The following SPATA4 variants were observed in gnomAD, a reference collection of about 807,000 sequenced individuals.
SPATA4 encodes spermatogenesis associated 4, also known as spermatogenesis-associated protein 4.
A neutral mutation model predicts 31.8 loss-of-function variants in SPATA4; 35 were observed. That is an observed-to-expected ratio of 1.10 (90% CI 0.84 to 1.46). The LOEUF (loss-of-function observed/expected upper bound fraction) is 1.46. Ranked by LOEUF, SPATA4 falls within the 40% of genes most tolerant of loss-of-function variation. The pLI is 0.00. For synonymous variants in SPATA4, 126 were observed against 132.4 expected (o/e 0.95, Z 0.33); for missense variants, 394 against 363.1 (o/e 1.09, Z -0.69).
chr4:176,193,565 A>T lies in SPATA4; in HGVS notation c.236T>A (p.Phe79Tyr), dbSNP rs1349107514. The change falls in exon 2 of 6, where the codon TTC becomes TAC. Residue 79 changes from phenylalanine to tyrosine, a missense_variant. By Grantham distance (22) the Phe-to-Tyr change is conservative. Coordinates refer to ENST00000280191, the MANE Select transcript of SPATA4 (RefSeq NM_144644.4). ...TATACAGAATATTTCTGCAATTAGG[A>T]AGCCATTTGAAAAATCTCTGATCCG... Reference protein sequence around the residue: ...RNINRDFSNGFLIAEIFCIYY... With the variant: ...RNINRDFSNGYLIAEIFCIYY... 1 of 1,608,438 alleles carries T rather than the reference A, an allele frequency of 6.2e-7. No homozygotes were observed. The highest frequency in any genetic ancestry group is 1.3e-5 in the African/African-American group (1 of 74,944).
At chr4:176,193,616 GTAGT>G (rs775146033) in intron 1 of SPATA4, 34 bp from the exon 2 acceptor site, 1 of 1,558,110 alleles carries the variant, frequency 6.4e-7, no homozygotes, top group Non-Finnish European at 8.6e-7. Context: ...GAAATAAAGT[GTAGT>G]TAATTATGCA....
In SPATA4 at chr4:176,193,476, C is replaced by A; in HGVS notation, c.325G>T (p.Asp109Tyr). ...ENGTSLKVKLDNWAQLEKFLA... is the reference protein window; with the variant it reads ...ENGTSLKVKLYNWAQLEKFLA... ...ACCTTCTCCAACTGTGCCCAGTTATCCAACTTGACTTTTAAAGAGGTCCCG... is the reference window on the plus strand; with the variant it reads ...ACCTTCTCCAACTGTGCCCAGTTATACAACTTGACTTTTAAAGAGGTCCCG... The change falls in exon 2 of 6, where the codon GAT becomes TAT. Residue 109 changes from aspartate to tyrosine, a missense_variant. Transcript: ENST00000280191. 6.2e-7 allele frequency: 1 copy of A among 1,613,694 alleles called. No homozygotes were observed.
rs1752473708 is a variant in SPATA4 at position 176,188,133 on chromosome 4, A to G, written c.791T>C (p.Val264Ala). 1.2e-6 allele frequency: 2 copies of G among 1,611,068 alleles called. No individual in the cohort carries two copies. The highest frequency in any genetic ancestry group is 1.1e-5 in the South Asian group (1 of 90,568). Residue 264 changes from valine (V) to alanine (A), a missense_variant, in exon 5 of 6, where the codon GTT becomes GCT. Coordinates refer to ENST00000280191, the MANE Select transcript of SPATA4 (RefSeq NM_144644.4). Reference protein sequence around the residue: ...RYNLKVKRGRVVPVLPNIGSG... With the variant: ...RYNLKVKRGRAVPVLPNIGSG... ...TTAAAACTTACGTAAAACAGGGACA[A>G]CTCTTCCTCTTTTAACTTTTAAATT... is the stretch of plus-strand genomic sequence containing the variant.
chr4:176,189,351 A>ACT (rs1395429369), intron 4 of SPATA4, among the ~76,000 whole-genome samples: 2 of 152,194 alleles, frequency 1.3e-5, no homozygotes, highest in Admixed American at 1.3e-4. Context: ...CACTAAAAAG[A>ACT]GTAGAGATTT....
rs533997551 is a variant in SPATA4 at position 176,195,462 on chromosome 4, C to T, written c.101G>A (p.Gly34Glu). ...ATAGACCAGACACTTCTTAGGCCTC[C>T]CTCGGATGGGAGCTGCTAGCTGTGG... ...LSPQLAAPIR[G>E]RPKKCLVYPH... The change falls in exon 1 of 6, where the codon GGG becomes GAG. Residue 34 changes from glycine to glutamate, a missense_variant. Gly to Glu is a moderately conservative substitution (Grantham distance 98, BLOSUM62 -2). Transcript: ENST00000280191. 4 of 1,614,140 alleles carry T rather than the reference C, an allele frequency of 2.5e-6. No homozygotes were observed. The highest frequency in any genetic ancestry group is 1.3e-5 in the African/African-American group (1 of 74,950).
At chr4:176,189,935 G>T (rs1254082035) in intron 4 of SPATA4, among the ~76,000 whole-genome samples, 1 of 152,144 alleles carries the variant, frequency 6.6e-6, no homozygotes, top group Non-Finnish European at 1.5e-5. Context: ...AGCAATTCCT[G>T]TCCCTTTTAA....
chr4:176,189,983 CTGAT>C (rs1367829141), intron 4 of SPATA4, among the ~76,000 whole-genome samples: 1 of 152,096 alleles, frequency 6.6e-6, no homozygotes, highest in African/African-American at 2.4e-5. Flanking sequence ...TGAGAGGGTC[CTGAT>C]TGATTGAGCA....
intron 4 of SPATA4, among the ~76,000 whole-genome samples, chr4:176,190,025 G>A (rs7654422): frequency 0.3 from 45,435 of 151,920 alleles, 7,020 homozygotes; most frequent in African/African-American, 0.36. Context: ...TGGGGGCTGC[G>A]TGCACCGGTA....
chr4:176,193,739 T>A, intron 1 of SPATA4, 157 bp from the exon 2 acceptor site: 1 of 669,360 alleles, frequency 1.5e-6, no homozygotes, highest in Non-Finnish European at 2.3e-6. Context: ...TGTGGAATTT[T>A]GCTAAGATTA....
intron 4 of SPATA4, among the ~76,000 whole-genome samples, chr4:176,189,333 T>C (rs568096535): frequency 1.3e-5 from 2 of 151,908 alleles, no homozygotes; most frequent in East Asian, 1.9e-4. Flanking sequence ...CTAAAATGTA[T>C]AGATTAGCAC....
intron 1 of SPATA4, 24 bp downstream of exon 1, chr4:176,195,321 C>T (rs773056129): frequency 5.0e-6 from 8 of 1,612,544 alleles, no homozygotes; most frequent in Non-Finnish European, 5.9e-6. Context: ...ACCGGGGGGG[C>T]CTAGGACTGG....
At chr4:176,186,230 C>G (rs186628802) in intron 5 of SPATA4, among the ~76,000 whole-genome samples, 6 of 152,284 alleles carry the variant, frequency 3.9e-5, no homozygotes, top group Admixed American at 3.9e-4. Flanking sequence ...GGAAGGAAGC[C>G]GTGCTGTGAC....
intron 5 of SPATA4, among the ~76,000 whole-genome samples, chr4:176,185,304 C>T (rs531335888): frequency 1.5e-4 from 23 of 151,514 alleles, no homozygotes; most frequent in Admixed American, 1.1e-3. Context: ...GCCACCCAGA[C>T]TCTGTAGGTC....
chr4:176,186,911 A>C (rs1752452966), intron 5 of SPATA4, among the ~76,000 whole-genome samples: 1 of 152,172 alleles, frequency 6.6e-6, no homozygotes, highest in African/African-American at 2.4e-5. Flanking sequence ...TCCCCGGCGA[A>C]ATCCCTCAAC....
At chr4:176,185,534 A>T (rs904768806) in intron 5 of SPATA4, among the ~76,000 whole-genome samples, 1 of 152,174 alleles carries the variant, frequency 6.6e-6, no homozygotes, top group Admixed American at 6.5e-5. Context: ...CAGTGCCATT[A>T]TATGAAATCT....
At chr4:176,195,247 C>G (rs1752596457) in intron 1 of SPATA4, 98 bp downstream of exon 1, 1 of 1,204,388 alleles carries the variant, frequency 8.3e-7, no homozygotes, top group Non-Finnish European at 1.2e-6. Flanking sequence ...TGATTTGAAA[C>G]ATAAGCCAGG....
chr4:176,190,694 C>T (rs1752514431), intron 4 of SPATA4, among the ~76,000 whole-genome samples: 1 of 152,206 alleles, frequency 6.6e-6, no homozygotes, highest in Non-Finnish European at 1.5e-5. Flanking sequence ...CCTTCTCATG[C>T]TTTCCATGTT....
At position 176,192,938 on chromosome 4, in the gene SPATA4, G is replaced by C; in HGVS notation, c.467+20C>G. Reference sequence around the variant, plus strand: ...AGTTTCACATTAAATTGTGTTACTAGGAAATTACAAAGAACTTACTCTCGA... The same window carrying C: ...AGTTTCACATTAAATTGTGTTACTACGAAATTACAAAGAACTTACTCTCGA... On this transcript the variant is annotated intron_variant, in intron 3 of 5. Coordinates refer to ENST00000280191, the MANE Select transcript of SPATA4 (RefSeq NM_144644.4). The C allele has an allele frequency of 6.3e-7, 1 of 1,584,570 alleles. No homozygotes were observed. The highest frequency in any genetic ancestry group is 8.6e-7 in the Non-Finnish European group (1 of 1,164,368).
Position 176,195,415 on chromosome 4 carries a change from G to A in SPATA4, c.148C>T (p.Arg50Cys), listed in dbSNP as rs991847588. 1.2e-6 allele frequency: 2 copies of A among 1,614,236 alleles called. No individual in the cohort carries two copies. The highest frequency in any genetic ancestry group is 1.7e-6 in the Non-Finnish European group (2 of 1,180,044). Residue 50 changes from arginine (R) to cysteine (C), a missense_variant, in exon 1 of 6, where the codon CGC (arginine) becomes TGC (cysteine). Physicochemically the swap from Arg to Cys is radical, Grantham distance 180. Transcript: ENST00000280191. ...LVYPHAPKSS[R>C]LSRSVLRWLQ... ...CAACGCAGAACGGAACGAGACAAGCGGGAGCTCTTCGGCGCATGCGGATAG... is the reference window on the plus strand; with the variant it reads ...CAACGCAGAACGGAACGAGACAAGCAGGAGCTCTTCGGCGCATGCGGATAG...
Sources: gnomAD v4.1 joint callset for allele counts (sites outside exome capture counted in the v4.1 genomes callset) on GRCh38, gnomAD v4.1.1 for gene constraint, MANE v1.5 for transcripts, NCBI Gene and HGNC (gene_info 2026-07-23, HGNC 2026-07-21) for gene names.